KLF12: variants seen among roughly 807,000 people sequenced by gnomAD.
KLF12 encodes the protein KLF transcription factor 12.
In KLF12, 9 loss-of-function variants were observed where a neutral mutation model predicts 37.8. That is an observed-to-expected ratio of 0.24 (90% CI 0.14 to 0.42). The LOEUF (loss-of-function observed/expected upper bound fraction) is 0.42. Ranked by LOEUF, KLF12 falls within the 10% of genes least tolerant of loss-of-function variation. The probability of loss-of-function intolerance (pLI) is 1.00; values close to 1 mark genes in which losing one functional copy is unlikely to be tolerated. For synonymous variants in KLF12, 208 were observed against 202.1 expected (o/e 1.03, Z -0.25); for missense variants, 411 against 516.0 (o/e 0.80, Z 1.97).
At chr13:73,816,791 A>G (rs555204388) in intron 4 of KLF12, among the ~76,000 whole-genome samples, 1 of 152,318 alleles carries the variant, frequency 6.6e-6, no homozygotes, top group South Asian at 2.1e-4. Context: ...TGCTCTTTTT[A>G]GAACCTAGTC....
intron 1 of KLF12, among the ~76,000 whole-genome samples, chr13:74,089,222 G>A (rs532845709): frequency 6.6e-4 from 100 of 152,040 alleles, no homozygotes; most frequent in Admixed American, 1.6e-3. Context: ...ACTTCCACCC[G>A]CCCCCTACAA....
chr13:73,915,353 G>T (rs1888768637), intron 3 of KLF12, among the ~76,000 whole-genome samples: 1 of 152,120 alleles, frequency 6.6e-6, no homozygotes, highest in African/African-American at 2.4e-5. Context: ...TTAGGACATG[G>T]ATATCTTTAG....
chr13:73,908,401 CAA>C (rs200413877), intron 3 of KLF12, among the ~76,000 whole-genome samples: 1 of 129,332 alleles, frequency 7.7e-6, no homozygotes, highest in African/African-American at 2.9e-5. Context: ...GACTCTGTCT[CAA>C]AAAAAAAAAA....
At chr13:74,274,661 G>A in the KLF12 span, among the ~76,000 whole-genome samples, 16 of 151,454 alleles carry the variant, frequency 1.1e-4, no homozygotes, top group Non-Finnish European at 1.9e-4. Context: ...CTAGTTTGGC[G>A]GCTCATTCCT....
chr13:74,074,753 T>C (rs1272601744), intron 1 of KLF12, among the ~76,000 whole-genome samples: 1 of 152,176 alleles, frequency 6.6e-6, no homozygotes, highest in Non-Finnish European at 1.5e-5. Flanking sequence ...GGAGAAGGGA[T>C]ACCAAAGTTA....
At chr13:74,084,146 C>A (rs879925579) in intron 1 of KLF12, among the ~76,000 whole-genome samples, 2 of 152,256 alleles carry the variant, frequency 1.3e-5, no homozygotes, top group East Asian at 1.9e-4. Context: ...TTGGATATTA[C>A]GTCTCATAAC....
chr13:73,906,780 A>C lies in KLF12; in HGVS notation c.123+37201T>G, dbSNP rs370861191. ...TCTGTTAAAATCCTGGAAACATACAATATGGATTCTAGCGAGGGGATTTCT... is the reference window on the plus strand; with the variant it reads ...TCTGTTAAAATCCTGGAAACATACACTATGGATTCTAGCGAGGGGATTTCT... On this transcript the variant is annotated intron_variant, in intron 3 of 7. Transcript: ENST00000377669. Among the ~76,000 whole-genome samples the C allele has an allele frequency of 5.3e-5, 8 of 152,182 alleles. No homozygotes were observed. The East Asian group carries it at 1.2e-3, about 22-fold the overall frequency.
chr13:73,716,296 A>G (rs912937870), intron 6 of KLF12, among the ~76,000 whole-genome samples: 20 of 152,178 alleles, frequency 1.3e-4, no homozygotes, highest in Admixed American at 1.3e-3. Flanking sequence ...AAAAATCTTA[A>G]TCTCTTTTGA....
At chr13:73,703,063 T>A (rs17090354) in intron 7 of KLF12, among the ~76,000 whole-genome samples, 3 of 152,022 alleles carry the variant, frequency 2.0e-5, no homozygotes, top group Non-Finnish European at 4.4e-5. Flanking sequence ...CTATATGAGA[T>A]TGATCCAAGG....
At chr13:73,946,629 C>T (rs1890436584) in intron 2 of KLF12, among the ~76,000 whole-genome samples, 1 of 152,050 alleles carries the variant, frequency 6.6e-6, no homozygotes, top group Non-Finnish European at 1.5e-5. Context: ...ATCAAGATTT[C>T]CTGGAAATCT....
chr13:73,802,120 C>T (rs1882310123), intron 5 of KLF12: 1 of 152,048 alleles, frequency 6.6e-6, no homozygotes, highest in South Asian at 2.1e-4. Context: ...GATTGTTTAG[C>T]ATTATGCGTA....
At chr13:74,146,374 A>T in the KLF12 span, among the ~76,000 whole-genome samples, 9 of 152,208 alleles carry the variant, frequency 5.9e-5, no homozygotes. Context: ...TGGACCACAG[A>T]TCTAAAACAA....
intron 4 of KLF12, among the ~76,000 whole-genome samples, chr13:73,814,335 A>C (rs1459541772): frequency 2.0e-5 from 3 of 152,180 alleles, no homozygotes; most frequent in Non-Finnish European, 4.4e-5. Flanking sequence ...TTTTGGTCTC[A>C]AATCACTTTT....
At chr13:74,125,037 C>T (rs1011612333) in intron 1 of KLF12, among the ~76,000 whole-genome samples, 8 of 151,494 alleles carry the variant, frequency 5.3e-5, no homozygotes, top group East Asian at 3.9e-4. Context: ...CCCACCTACT[C>T]GGAAGGCTGA....
At chr13:74,031,597 C>A (rs1237635742) in intron 1 of KLF12, among the ~76,000 whole-genome samples, 1 of 151,970 alleles carries the variant, frequency 6.6e-6, no homozygotes, top group Non-Finnish European at 1.5e-5. Flanking sequence ...TGTACCAAAC[C>A]AGACTTTTTT....
At chr13:73,845,748 A>T in intron 4 of KLF12, 79 bp downstream of exon 4, 2 of 1,282,094 alleles carry the variant, frequency 1.6e-6, no homozygotes, top group Non-Finnish European at 2.2e-6. Context: ...GTGTTTGTAT[A>T]CAATTTAGGT....
rs1388903481 is a variant in KLF12, at chr13:73,788,476, A to G, written c.807-23476T>C. Among the ~76,000 whole-genome samples, 3 of 152,300 alleles carry G rather than the reference A, an allele frequency of 2.0e-5. No individual in the cohort carries two copies. The South Asian group carries it at 6.2e-4, about 32-fold the overall frequency. On this transcript the variant is annotated intron_variant, in intron 5 of 7. Coordinates refer to ENST00000377669, the MANE Select transcript of KLF12 (RefSeq NM_007249.5). ...ACCTACCTCTCAAATGCATGTAGGC[A>G]GCTATAGTTTAAGACCAAACATTCA...
chr13:73,937,325 T>G (rs548075050), intron 3 of KLF12, among the ~76,000 whole-genome samples: 23 of 152,278 alleles, frequency 1.5e-4, no homozygotes, highest in Non-Finnish European at 2.8e-4. Flanking sequence ...TTTAAAAAAA[T>G]TCTTCCACAA....
chr13:74,299,349 C>A, the KLF12 span, among the ~76,000 whole-genome samples: 1 of 152,158 alleles, frequency 6.6e-6, no homozygotes, highest in East Asian at 1.9e-4. Flanking sequence ...CTGGCTCAGG[C>A]TTTGCTGGTG....
Sources: gnomAD v4.1 joint callset for allele counts (sites outside exome capture counted in the v4.1 genomes callset) on GRCh38, gnomAD v4.1.1 for gene constraint, MANE v1.5 for transcripts, NCBI Gene and HGNC (gene_info 2026-07-23, HGNC 2026-07-21) for gene names.